The following MACROD2 variants were observed in gnomAD, a reference collection of about 807,000 sequenced individuals.
The protein encoded by MACROD2 is ADP-ribose glycohydrolase MACROD2.
Under a neutral mutation model 70.4 loss-of-function variants are expected in MACROD2, and 36 were observed. The ratio of observed to expected loss-of-function variants is 0.51; its 90% CI spans 0.39 to 0.68. The LOEUF (loss-of-function observed/expected upper bound fraction) is 0.68, where lower values mean the gene tolerates loss of function less well. Ranked by LOEUF, MACROD2 falls within the 30% of genes least tolerant of loss-of-function variation. The pLI is 0.00. For missense variants in MACROD2, 496 were observed against 538.4 expected, an observed-to-expected ratio of 0.92 and a Z score of 0.78; for synonymous variants, 172 against 178.8, an observed-to-expected ratio of 0.96 and a Z score of 0.30.
chr20:15,902,587 C>T (rs141936090), intron 10 of MACROD2, among the ~76,000 whole-genome samples: 92 of 152,168 alleles, frequency 6.0e-4, no homozygotes, highest in African/African-American at 2.1e-3. Context: ...TAATGTGTGA[C>T]AGTTTAGGTC....
At chr20:14,501,338 A>G (rs1468715579) in intron 4 of MACROD2, among the ~76,000 whole-genome samples, 1 of 152,160 alleles carries the variant, frequency 6.6e-6, no homozygotes, top group African/African-American at 2.4e-5. Context: ...GTATTTAACC[A>G]GTTATATCAT....
At chr20:15,262,655 T>C (rs781359090) in intron 6 of MACROD2, among the ~76,000 whole-genome samples, 2 of 152,086 alleles carry the variant, frequency 1.3e-5, no homozygotes, top group Non-Finnish European at 2.9e-5. Flanking sequence ...CTAATTTGCA[T>C]TCCCACCAAC....
At chr20:15,614,090 T>G (rs2049005525) in intron 8 of MACROD2, among the ~76,000 whole-genome samples, 1 of 152,240 alleles carries the variant, frequency 6.6e-6, no homozygotes, top group South Asian at 2.1e-4. Flanking sequence ...AAAACCAGTG[T>G]AAGTCAGTTC....
chr20:15,594,427 C>T (rs1460245902), intron 8 of MACROD2, among the ~76,000 whole-genome samples: 3 of 152,186 alleles, frequency 2.0e-5, no homozygotes, highest in Non-Finnish European at 4.4e-5. Flanking sequence ...GTATGTTCCT[C>T]ACAGACCTGT....
At chr20:15,213,512 T>A (rs924133809) in intron 5 of MACROD2, among the ~76,000 whole-genome samples, 4 of 152,098 alleles carry the variant, frequency 2.6e-5, no homozygotes, top group African/African-American at 9.7e-5. Flanking sequence ...TGTAGGCCTT[T>A]TCCAGTCAAG....
intron 8 of MACROD2, among the ~76,000 whole-genome samples, chr20:15,729,189 T>C (rs1217004016): frequency 6.6e-6 from 1 of 152,222 alleles, no homozygotes; most frequent in Non-Finnish European, 1.5e-5. Flanking sequence ...CATGTTGTTG[T>C]GTGATTTTGA....
intron 3 of MACROD2, among the ~76,000 whole-genome samples, chr20:14,321,646 A>G (rs2082661580): frequency 6.6e-6 from 1 of 152,160 alleles, no homozygotes; most frequent in Non-Finnish European, 1.5e-5. Flanking sequence ...TTCCATTAAC[A>G]CTCATGCTTC....
At position 14,326,979 on chromosome 20, in the gene MACROD2, A is replaced by G. The variant is rs1370614101; in HGVS notation, c.272-166500A>G. 2.5e-6 allele frequency: 4 copies of G among 1,613,792 alleles called. No homozygotes were observed. The highest frequency in any genetic ancestry group is 3.4e-6 in the Non-Finnish European group (4 of 1,179,784). On this transcript the variant is annotated intron_variant, in intron 3 of 17. Coordinates refer to ENST00000684519, the MANE Select transcript of MACROD2 (RefSeq NM_001351661.2). The surrounding 1 kb of genome is among the most constrained non-coding windows in gnomAD (Gnocchi z 5.5). ...TATCATCCAAGCGTAGTTCTTCTAT[A>G]GTCCTGGGCAAACCCCAGGGAATTG...
chr20:14,850,999 G>A (rs900679880), intron 5 of MACROD2, among the ~76,000 whole-genome samples: 4 of 151,946 alleles, frequency 2.6e-5, no homozygotes, highest in African/African-American at 9.7e-5. Flanking sequence ...GAATTGTTGT[G>A]TTGTGATAGG....
intron 3 of MACROD2, among the ~76,000 whole-genome samples, chr20:14,207,130 G>C (rs556140068): frequency 2.0e-4 from 30 of 151,640 alleles, no homozygotes; most frequent in Non-Finnish European, 3.7e-4. Context: ...TTTTGAGATG[G>C]AGTCTTGCTC....
intron 12 of MACROD2, among the ~76,000 whole-genome samples, chr20:15,959,108 A>G (rs1325144224): frequency 6.6e-6 from 1 of 152,234 alleles, no homozygotes; most frequent in Non-Finnish European, 1.5e-5. Context: ...TAGCAGATTA[A>G]AACAAAATCC....
intron 10 of MACROD2, among the ~76,000 whole-genome samples, chr20:15,889,054 A>G (rs560575921): frequency 2.0e-5 from 3 of 152,306 alleles, no homozygotes; most frequent in Admixed American, 6.5e-5. Context: ...AAGACATGCT[A>G]GTGAATGATA....
intron 15 of MACROD2, among the ~76,000 whole-genome samples, chr20:15,989,181 G>A (rs2066524860): frequency 6.6e-6 from 1 of 152,146 alleles, no homozygotes; most frequent in Non-Finnish European, 1.5e-5. Context: ...ATACATTGAT[G>A]ACAAAGTCAA....
At chr20:14,327,584 C>G in intron 3 of MACROD2, 1 of 1,456,012 alleles carries the variant, frequency 6.9e-7, no homozygotes, top group Non-Finnish European at 9.2e-7. Context: ...TAAAAAAAGA[C>G]AGAAAACAAT....
chr20:15,641,703 C>T (rs2049462944), intron 8 of MACROD2, among the ~76,000 whole-genome samples: 1 of 152,152 alleles, frequency 6.6e-6, no homozygotes, highest in Admixed American at 6.5e-5. Context: ...GTTTTAGAGG[C>T]AATTCCAGTG....
chr20:14,309,172 T>C (rs2082544989), intron 3 of MACROD2, among the ~76,000 whole-genome samples: 1 of 152,144 alleles, frequency 6.6e-6, no homozygotes, highest in African/African-American at 2.4e-5. Context: ...TCTTACATTA[T>C]TTTTTAATGA....
chr20:14,126,398 A>G (rs1433568158), intron 3 of MACROD2, among the ~76,000 whole-genome samples: 1 of 152,234 alleles, frequency 6.6e-6, no homozygotes, highest in Non-Finnish European at 1.5e-5. Flanking sequence ...TACAAATAAA[A>G]TAAACACATT....
chr20:15,060,280 C>T (rs1167045316), intron 5 of MACROD2, among the ~76,000 whole-genome samples: 1 of 152,176 alleles, frequency 6.6e-6, no homozygotes, highest in Non-Finnish European at 1.5e-5. Flanking sequence ...GAAGCAGCAA[C>T]CATTCCTCTC....
intron 8 of MACROD2, among the ~76,000 whole-genome samples, chr20:15,516,031 G>T (rs6074909): frequency 0.41 from 62,941 of 152,006 alleles, 13,228 homozygotes; most frequent in South Asian, 0.51. Flanking sequence ...ATGGGCACAC[G>T]GCTTACCCCG....
Sources: gnomAD v4.1 joint callset for allele counts (sites outside exome capture counted in the v4.1 genomes callset) on GRCh38, gnomAD v4.1.1 for gene constraint, Gnocchi (gnomAD v3.1) non-coding constraint, MANE v1.5 for transcripts, NCBI Gene and HGNC (gene_info 2026-07-23, HGNC 2026-07-21) for gene names.